Variants in COLEC10 observed in about 807,000 individuals in gnomAD.
COLEC10 encodes the protein collectin-10.
In COLEC10, 22 loss-of-function variants were observed where a neutral mutation model predicts 28.4. The ratio of observed to expected loss-of-function variants is 0.78; its 90% CI spans 0.55 to 1.11. COLEC10 has a LOEUF of 1.11. Ranked by LOEUF, COLEC10 falls within the 50% of genes least tolerant of loss-of-function variation. The pLI is 0.00. For missense variants in COLEC10, 361 were observed against 344.1 expected, an observed-to-expected ratio of 1.05 and a Z score of -0.39; for synonymous variants, 125 against 116.1, an observed-to-expected ratio of 1.08 and a Z score of -0.49.
intron 2 of COLEC10, among the ~76,000 whole-genome samples, chr8:119,060,269 G>A (rs1036906959): frequency 5.3e-5 from 8 of 152,124 alleles, no homozygotes; most frequent in African/African-American, 1.7e-4. Context: ...AATGGTCACT[G>A]TCTTAACAGA....
At chr8:119,104,435 C>A (rs1000341944) in intron 5 of COLEC10, among the ~76,000 whole-genome samples, 5 of 152,076 alleles carry the variant, frequency 3.3e-5, no homozygotes, top group Admixed American at 3.3e-4. Context: ...CTCCTCTATC[C>A]ACAATACAAA....
At chr8:119,064,677 C>G (rs1264036290), upstream of COLEC10, among the ~76,000 whole-genome samples, 1 of 152,134 alleles carries the variant, frequency 6.6e-6, no homozygotes, top group Non-Finnish European at 1.5e-5. Context: ...ACAAATGCAT[C>G]CACTTTGGAC....
At chr8:119,086,999 T>C (rs1040010557) in intron 1 of COLEC10, among the ~76,000 whole-genome samples, 5 of 152,210 alleles carry the variant, frequency 3.3e-5, no homozygotes, top group African/African-American at 4.8e-5. Context: ...AACCTCTCTG[T>C]GACCCCATTT....
rs748544826 is a variant in COLEC10, at chr8:119,102,395, A to C, written c.340A>C (p.Lys114Gln). ...GCTTGGAATACCTGGAGAAAAAGGC[A>C]AAGCAGGTACGATATGTTCAATGTT... ...GLLGIPGEKG[K>Q]AGTVCDCGRY... The change falls in exon 4 of 6, where the codon AAA (lysine) becomes CAA (glutamine). Residue 114 changes from lysine (K) to glutamine (Q), a missense_variant. Transcript: ENST00000332843. 10 of 1,609,656 alleles carry C rather than the reference A, an allele frequency of 6.2e-6. No homozygotes were observed. Among genetic ancestry groups the C allele is most frequent in the Non-Finnish European group, 8.5e-6 (10 of 1,177,698 alleles).
intron 1 of COLEC10, among the ~76,000 whole-genome samples, chr8:118,996,188 A>C (rs117259557): frequency 6.6e-6 from 1 of 152,300 alleles, no homozygotes; most frequent in Admixed American, 6.5e-5. Flanking sequence ...AGGGTCATCC[A>C]TGTTGTTACA....
chr8:119,029,928 A>G (rs963056607), intron 2 of COLEC10, among the ~76,000 whole-genome samples: 1 of 152,222 alleles, frequency 6.6e-6, no homozygotes, highest in Non-Finnish European at 1.5e-5. Context: ...TACTGTTATT[A>G]TGTCTCAAGA....
chr8:118,987,863 A>G, the COLEC10 span, among the ~76,000 whole-genome samples: 2 of 152,286 alleles, frequency 1.3e-5, no homozygotes, highest in African/African-American at 4.8e-5. Context: ...AACTGATAAA[A>G]CTTTTTATAA....
intron 5 of COLEC10, 68 bp from the exon 6 acceptor site, chr8:119,105,732 A>G: frequency 2.3e-6 from 3 of 1,311,808 alleles, no homozygotes; most frequent in Non-Finnish European, 2.1e-6. Context: ...ATCTGGCAAT[A>G]TCATATAATT....
chr8:119,049,514 A>G (rs1814641412), intron 2 of COLEC10, among the ~76,000 whole-genome samples: 1 of 135,962 alleles, frequency 7.4e-6, no homozygotes, highest in African/African-American at 2.8e-5. Flanking sequence ...TCCAGGGTTC[A>G]CGCCATTCTC....
intron 2 of COLEC10, among the ~76,000 whole-genome samples, chr8:119,033,614 T>C (rs145252588): frequency 0.015 from 2,333 of 152,220 alleles, 72 homozygotes; most frequent in African/African-American, 0.053. Flanking sequence ...AAAAGACATT[T>C]ATGCAGCCAA....
chr8:118,952,678 C>G, the COLEC10 span, among the ~76,000 whole-genome samples: 1 of 152,190 alleles, frequency 6.6e-6, no homozygotes, highest in East Asian at 1.9e-4. Flanking sequence ...GAGCACTGTT[C>G]CCTTCACCAA....
At chr8:118,987,207 G>A in the COLEC10 span, among the ~76,000 whole-genome samples, 1 of 152,156 alleles carries the variant, frequency 6.6e-6, no homozygotes, top group Non-Finnish European at 1.5e-5. Flanking sequence ...AACTTCACAT[G>A]TGAAGAGAAA....
chr8:118,990,899 C>A (rs1400813089), upstream of COLEC10, among the ~76,000 whole-genome samples: 1 of 151,066 alleles, frequency 6.6e-6, no homozygotes, highest in African/African-American at 2.4e-5. Context: ...CATGAAGGAG[C>A]AGGAATATAA....
At chr8:118,992,204 C>A (rs1361360768), upstream of COLEC10, among the ~76,000 whole-genome samples, 2 of 152,090 alleles carry the variant, frequency 1.3e-5, no homozygotes, top group African/African-American at 4.8e-5. Flanking sequence ...TTAGCCTTCA[C>A]TATTATTATT....
At chr8:118,987,096 C>G in the COLEC10 span, among the ~76,000 whole-genome samples, 3 of 152,192 alleles carry the variant, frequency 2.0e-5, no homozygotes, top group South Asian at 6.2e-4. Flanking sequence ...TACTTTGTCT[C>G]GTCTCTGAGA....
At chr8:118,982,833 A>G in the COLEC10 span, 1 of 152,236 alleles carries the variant, frequency 6.6e-6, no homozygotes, top group South Asian at 2.1e-4. Flanking sequence ...GATTCTGTAC[A>G]TCTATGTTCC....
intron 1 of COLEC10, among the ~76,000 whole-genome samples, chr8:119,078,388 T>C (rs1202922486): frequency 6.6e-6 from 1 of 152,134 alleles, no homozygotes; most frequent in Non-Finnish European, 1.5e-5. Context: ...GGCAGAGAAA[T>C]CTCTTAGCAG....
At chr8:118,997,987 A>G (rs1203574209) in intron 1 of COLEC10, among the ~76,000 whole-genome samples, 1 of 152,238 alleles carries the variant, frequency 6.6e-6, no homozygotes, top group Non-Finnish European at 1.5e-5. Context: ...AGGTGGCAGC[A>G]TTGAAAAATA....
intron 2 of COLEC10, among the ~76,000 whole-genome samples, chr8:119,033,474 A>AG (rs1367078769): frequency 6.6e-6 from 1 of 152,224 alleles, no homozygotes; most frequent in Non-Finnish European, 1.5e-5. Context: ...ATAGAACGGG[A>AG]GAAAAATTTT....
Sources: allele counts gnomAD v4.1 joint callset (sites outside exome capture counted in the v4.1 genomes callset), GRCh38; gene constraint gnomAD v4.1.1; transcripts MANE v1.5; gene names NCBI Gene and HGNC (gene_info 2026-07-23, HGNC 2026-07-21).